ATXN1: variants seen among roughly 807,000 people sequenced by gnomAD.
The protein encoded by ATXN1 is ataxin 1, also known as ataxin-1.
A neutral mutation model predicts 56.4 loss-of-function variants in ATXN1; 8 were observed. The observed-to-expected ratio is 0.14, with a 90% CI of 0.08 to 0.26. The LOEUF is 0.26. Ranked by LOEUF, ATXN1 falls within the 10% of genes least tolerant of loss-of-function variation. The pLI is 1.00. For missense variants in ATXN1, 987 were observed against 1,106.5 expected, an observed-to-expected ratio of 0.89 and a Z score of 1.53; for synonymous variants, 514 against 494.6, an observed-to-expected ratio of 1.04 and a Z score of -0.52.
intron 6 of ATXN1, among the ~76,000 whole-genome samples, chr6:16,482,411 G>A (rs1244356787): frequency 6.6e-6 from 1 of 152,182 alleles, no homozygotes; most frequent in African/African-American, 2.4e-5. Context: ...AATATGTAAG[G>A]TGCTTAAAAG....
chr6:16,321,814 C>G (rs1174431704), intron 7 of ATXN1, among the ~76,000 whole-genome samples: 1 of 152,228 alleles, frequency 6.6e-6, no homozygotes, highest in African/African-American at 2.4e-5. Context: ...TAATGCTCTT[C>G]TTGGTTTTTT....
At chr6:16,730,228 G>A (rs1482648950) in intron 2 of ATXN1, among the ~76,000 whole-genome samples, 2 of 152,140 alleles carry the variant, frequency 1.3e-5, no homozygotes, top group Admixed American at 1.3e-4. Flanking sequence ...ACAGTGACGT[G>A]AGATTGTGCC....
At chr6:16,323,470 A>T (rs1760728861) in intron 7 of ATXN1, among the ~76,000 whole-genome samples, 1 of 147,220 alleles carries the variant, frequency 6.8e-6, no homozygotes, top group South Asian at 2.2e-4. Context: ...GTGAGCCAAG[A>T]TCACCCCACT....
At chr6:16,450,223 T>C (rs1238722666) in intron 6 of ATXN1, among the ~76,000 whole-genome samples, 1 of 152,226 alleles carries the variant, frequency 6.6e-6, no homozygotes, top group Non-Finnish European at 1.5e-5. Context: ...CAAAAACCGG[T>C]CCTTGTGGGA....
rs192761079 is a variant in ATXN1 at position 16,459,547 on chromosome 6, C to A, written c.-161+26425G>T. On this transcript the variant is annotated intron_variant, in intron 6 of 7. Transcript: ENST00000436367. ...TAATTCCTCTATATCCGGTTGTACC[C>A]AACCCCTATACCCTGCTCTCTCAAA... 2.0e-4 allele frequency among the ~76,000 whole-genome samples: 30 copies of A among 152,292 alleles called. No individual in the cohort carries two copies. In the East Asian group the frequency reaches 5.8e-3, roughly 29 times the overall value.
intron 5 of ATXN1, among the ~76,000 whole-genome samples, chr6:16,488,364 C>A (rs1254220591): frequency 2.0e-5 from 3 of 152,212 alleles, no homozygotes; most frequent in African/African-American, 7.2e-5. Flanking sequence ...AGATTTCTGG[C>A]TTCCCCTTGA....
intron 2 of ATXN1, among the ~76,000 whole-genome samples, chr6:16,706,721 C>T (rs1450669610): frequency 5.0e-5 from 2 of 39,712 alleles, no homozygotes; most frequent in Admixed American, 4.1e-4. Flanking sequence ...AAGACTCCAT[C>T]TCAAAAAAAA....
chr6:16,305,645 T>A lies in ATXN1; in HGVS notation c.*684A>T, dbSNP rs1242982715. 1 of 152,656 alleles carries A rather than the reference T, an allele frequency of 6.6e-6. No homozygotes were observed. Among genetic ancestry groups the A allele is most frequent in the Non-Finnish European group, 1.5e-5 (1 of 68,052 alleles). 9.5% of individuals were successfully genotyped at this position (152,656 alleles called of 1,614,324 possible). ...AGTTGCTCTTTAAAAAAAATATATATCAGTGCAGTCAGGCCCCATAGGGGG... is the reference window on the plus strand; with the variant it reads ...AGTTGCTCTTTAAAAAAAATATATAACAGTGCAGTCAGGCCCCATAGGGGG... On this transcript the variant is annotated 3_prime_UTR_variant, in exon 8 of 8. Transcript: ENST00000436367.
chr6:16,553,732 T>A (rs374057863), intron 4 of ATXN1, among the ~76,000 whole-genome samples: 3 of 152,196 alleles, frequency 2.0e-5, no homozygotes, highest in African/African-American at 7.2e-5. Flanking sequence ...ACCATGGCCC[T>A]CAACAGCCCA....
intron 6 of ATXN1, among the ~76,000 whole-genome samples, chr6:16,387,917 T>C (rs1758274111): frequency 6.6e-6 from 1 of 152,180 alleles, no homozygotes; most frequent in African/African-American, 2.4e-5. Flanking sequence ...ACAATGAATT[T>C]AGTGGATACT....
intron 6 of ATXN1, among the ~76,000 whole-genome samples, chr6:16,418,015 C>A (rs1449412684): frequency 2.0e-5 from 3 of 152,124 alleles, no homozygotes; most frequent in African/African-American, 4.8e-5. Flanking sequence ...AGTAAATCAA[C>A]GAATGAAGGT....
chr6:16,560,442 A>T (rs1164396653), intron 4 of ATXN1, among the ~76,000 whole-genome samples: 1 of 152,124 alleles, frequency 6.6e-6, no homozygotes, highest in Non-Finnish European at 1.5e-5. Context: ...AAATAAAAAT[A>T]AAAAAATAAA....
At position 16,693,124 on chromosome 6, in the gene ATXN1, T is replaced by C. The variant is rs1170635273; in HGVS notation, c.-614-35223A>G. ...ATCGTAATAGTACCAGAAGAACTGA[T>C]ATCTACCTACTAACAGGGCCACTGT... On this transcript the variant is annotated intron_variant, in intron 2 of 7. Coordinates refer to ENST00000436367, the MANE Select transcript of ATXN1 (RefSeq NM_001128164.2). Among the ~76,000 whole-genome samples, 10 of 152,202 alleles carry C rather than the reference T, an allele frequency of 6.6e-5. No homozygotes were observed. The East Asian group carries it at 1.9e-3, about 29-fold the overall frequency.
In ATXN1 at chr6:16,303,293, C is replaced by T. The variant is rs1472978870; in HGVS notation, c.*3036G>A. The T allele has an allele frequency of 6.6e-5, 10 of 152,436 alleles. No homozygotes were observed. Among genetic ancestry groups the T allele is most frequent in the African/African-American group, 1.9e-4 (8 of 41,464 alleles). The allele number at this position is 152,436 out of a possible 1,614,324, so 9.4% of individuals were successfully genotyped here. ...TTCCGTGTGGTGACAGGGGACACTG[C>T]GGTTCCTCCCCCGGGTCTCCTTGGC... On this transcript the variant is annotated 3_prime_UTR_variant, in exon 8 of 8. Coordinates refer to ENST00000436367, the MANE Select transcript of ATXN1 (RefSeq NM_001128164.2). The surrounding 1 kb of genome is among the most constrained non-coding windows in gnomAD (Gnocchi z 4.3).
intron 4 of ATXN1, among the ~76,000 whole-genome samples, chr6:16,548,902 G>A (rs951154552): frequency 2.6e-5 from 4 of 152,126 alleles, no homozygotes; most frequent in East Asian, 1.9e-4. Context: ...CAGCCTGGGC[G>A]ACAAAGTAAG....
At chr6:16,315,688 G>A (rs933601422) in intron 7 of ATXN1, among the ~76,000 whole-genome samples, 4 of 151,982 alleles carry the variant, frequency 2.6e-5, no homozygotes, top group Non-Finnish European at 5.9e-5. Context: ...TTTGAGATAG[G>A]GTCTTGTTCT....
chr6:16,754,074 G>C (rs1051004419), intron 1 of ATXN1: 4 of 152,162 alleles, frequency 2.6e-5, no homozygotes, highest in African/African-American at 9.7e-5. Flanking sequence ...GCTTGTAGTA[G>C]TTTTTGTGAG....
chr6:16,483,257 T>G (rs1301253736), intron 6 of ATXN1, among the ~76,000 whole-genome samples: 5 of 152,170 alleles, frequency 3.3e-5, no homozygotes, highest in Non-Finnish European at 5.9e-5. Context: ...AGGAGTAACA[T>G]CTGCAAGGAC....
intron 2 of ATXN1, among the ~76,000 whole-genome samples, chr6:16,714,570 C>T: frequency 6.6e-6 from 1 of 152,086 alleles, no homozygotes; most frequent in East Asian, 1.9e-4. Context: ...ACATTTGTCC[C>T]ATCTTTTTCT....
Sources: gnomAD v4.1 joint callset for allele counts (sites outside exome capture counted in the v4.1 genomes callset) on GRCh38, gnomAD v4.1.1 for gene constraint, Gnocchi (gnomAD v3.1) non-coding constraint, MANE v1.5 for transcripts, NCBI Gene and HGNC (gene_info 2026-07-23, HGNC 2026-07-21) for gene names.